Variants in PARD3B observed in about 807,000 individuals in gnomAD.
PARD3B encodes the protein par-3 family cell polarity regulator beta.
Under a neutral mutation model 130.2 loss-of-function variants are expected in PARD3B, and 103 were observed. That is an observed-to-expected ratio of 0.79 (90% CI 0.67 to 0.93). The LOEUF (loss-of-function observed/expected upper bound fraction) is 0.93. PARD3B is among the 40% of genes least tolerant of loss of function. The pLI, the probability that PARD3B is intolerant of heterozygous loss-of-function variation, is 0.00. For synonymous variants in PARD3B, 583 were observed against 553.2 expected (o/e 1.05, Z -0.76); for missense variants, 1,609 against 1,499.2 (o/e 1.07, Z -1.21).
intron 1 of PARD3B, among the ~76,000 whole-genome samples, chr2:204,628,753 C>T (rs370970142): frequency 2.6e-5 from 4 of 152,104 alleles, no homozygotes; most frequent in African/African-American, 9.6e-5. Context: ...TGCCTTTGAA[C>T]ATTGTTCTTT....
Position 204,940,313 on chromosome 2 carries a change from T to C in PARD3B, c.223-24839T>C, listed in dbSNP as rs115682308. 7.2e-3 allele frequency among the ~76,000 whole-genome samples: 1,098 copies of C among 152,234 alleles called. 16 individuals are homozygous for C. Among genetic ancestry groups the C allele is most frequent in the African/African-American group, 0.025 (1,051 of 41,542 alleles). On this transcript the variant is annotated intron_variant, in intron 2 of 22. Transcript: ENST00000406610. ...CTTGTTTCTTCCCTGAAAAATGTGA[T>C]AACATCCTAGGAAGAGGTGGTGATC...
rs138585499 is a variant in PARD3B at position 205,217,615 on chromosome 2, G to A, written c.2140+24295G>A. 3.2e-3 allele frequency among the ~76,000 whole-genome samples: 487 copies of A among 151,720 alleles called. 1 individual carries two copies. Among genetic ancestry groups the A allele is most frequent in the African/African-American group, 0.011 (446 of 41,384 alleles). ...GTGAAGGAACAAGATGCAGGAAGGA[G>A]ACACCCAGAGAGAAAAATATAACAA... is the stretch of plus-strand genomic sequence containing the variant. On this transcript the variant is annotated intron_variant, in intron 15 of 22. Coordinates refer to ENST00000406610, the MANE Select transcript of PARD3B (RefSeq NM_001302769.2).
At position 205,411,633 on chromosome 2, in the gene PARD3B, A is replaced by G. The variant is rs532236981; in HGVS notation, c.2741+10510A>G. On this transcript the variant is annotated intron_variant, in intron 19 of 22. Coordinates refer to ENST00000406610, the MANE Select transcript of PARD3B (RefSeq NM_001302769.2). ...ATACAGTAGCCTTTGGGAGCCTAGA[A>G]TGCTCTGAGACACACCATCTGTGAA... 7.9e-5 allele frequency among the ~76,000 whole-genome samples: 12 copies of G among 152,298 alleles called. No individual in the cohort carries two copies. In the South Asian group the frequency reaches 2.5e-3, roughly 32 times the overall value.
At chr2:205,360,270 T>TC in intron 18 of PARD3B, among the ~76,000 whole-genome samples, 1 of 152,048 alleles carries the variant, frequency 6.6e-6, no homozygotes, top group South Asian at 2.1e-4. Context: ...CTTTTGTTTT[T>TC]TTCCTTTTCA....
intron 2 of PARD3B, among the ~76,000 whole-genome samples, chr2:204,763,703 C>T (rs115609226): frequency 0.01 from 1,529 of 152,252 alleles, 21 homozygotes; most frequent in African/African-American, 0.035. Flanking sequence ...CCAGACAGTC[C>T]TGAACAATAT....
At chr2:204,828,809 C>G (rs2043691250) in intron 2 of PARD3B, among the ~76,000 whole-genome samples, 1 of 152,052 alleles carries the variant, frequency 6.6e-6, no homozygotes, top group South Asian at 2.1e-4. Context: ...ACTCTTTTGC[C>G]CCAAATCCTT....
At chr2:205,540,171 CTGTATATT>C (rs1355811842) in intron 21 of PARD3B, among the ~76,000 whole-genome samples, 1 of 151,554 alleles carries the variant, frequency 6.6e-6, no homozygotes, top group Admixed American at 6.6e-5. Context: ...TTGTTGCTTG[CTGTATATT>C]TGCATAATTT....
chr2:205,235,682 C>T (rs1234188048), intron 15 of PARD3B, among the ~76,000 whole-genome samples: 1 of 152,094 alleles, frequency 6.6e-6, no homozygotes, highest in Admixed American at 6.6e-5. Flanking sequence ...CAAGATGGCA[C>T]AAGATTTCAT....
chr2:204,621,614 G>A (rs1194217711), intron 1 of PARD3B, among the ~76,000 whole-genome samples: 3 of 151,984 alleles, frequency 2.0e-5, no homozygotes, highest in African/African-American at 7.2e-5. Context: ...TAAATAAAGC[G>A]GTATATTTAA....
In PARD3B at chr2:205,473,835, T is replaced by C. The variant is rs529706134; in HGVS notation, c.3045-26061T>C. ...TTACGAAAGGGGAGATATTCTTTTC[T>C]TTGTTACGTTTAAATGAACTTCACC... On this transcript the variant is annotated intron_variant, in intron 20 of 22. Transcript: ENST00000406610. This position sits in a 1 kb window ranked among gnomAD's most constrained non-coding sequence, Gnocchi z 4.9. 2.6e-5 allele frequency among the ~76,000 whole-genome samples: 4 copies of C among 151,152 alleles called. No homozygotes were observed. In the East Asian group the frequency reaches 7.7e-4, roughly 29 times the overall value.
At chr2:205,502,117 C>T (rs1322582910) in intron 21 of PARD3B, among the ~76,000 whole-genome samples, 1 of 152,136 alleles carries the variant, frequency 6.6e-6, no homozygotes, top group African/African-American at 2.4e-5. Flanking sequence ...TCTCCCCACG[C>T]CAAGGAAAAA....
chr2:205,382,518 A>G (rs2045490301), intron 18 of PARD3B, among the ~76,000 whole-genome samples: 1 of 152,034 alleles, frequency 6.6e-6, no homozygotes, highest in Non-Finnish European at 1.5e-5. Flanking sequence ...CTTGGGGAAG[A>G]TATTTTGAAA....
chr2:205,422,772 G>GGGAATA (rs1402568386), intron 19 of PARD3B, among the ~76,000 whole-genome samples: 1 of 152,100 alleles, frequency 6.6e-6, no homozygotes, highest in Non-Finnish European at 1.5e-5. Context: ...AGGGCCACTA[G>GGGAATA]GTAGGCCAAG....
At chr2:204,744,854 C>G (rs1431305865) in intron 2 of PARD3B, among the ~76,000 whole-genome samples, 1 of 152,014 alleles carries the variant, frequency 6.6e-6, no homozygotes, top group Non-Finnish European at 1.5e-5. Flanking sequence ...AAAATCTAGA[C>G]CAAGAGGTAC....
chr2:205,533,631 C>A (rs1400309674), intron 21 of PARD3B, among the ~76,000 whole-genome samples: 1 of 152,050 alleles, frequency 6.6e-6, no homozygotes, highest in Non-Finnish European at 1.5e-5. Context: ...AATGAAATCA[C>A]CCCTGTGTAA....
chr2:205,285,496 G>A (rs1007430322), intron 16 of PARD3B, among the ~76,000 whole-genome samples: 1 of 152,042 alleles, frequency 6.6e-6, no homozygotes, highest in Non-Finnish European at 1.5e-5. Context: ...ATTGCCAGTG[G>A]GTGTCATAAA....
At position 205,158,715 on chromosome 2, in the gene PARD3B, C is replaced by T. The variant is rs370190402; in HGVS notation, c.1435-7C>T. 2 of 1,606,890 alleles carry T rather than the reference C, an allele frequency of 1.2e-6. No homozygotes were observed. Among genetic ancestry groups the T allele is most frequent in the Non-Finnish European group, 1.7e-6 (2 of 1,176,526 alleles). ...CTTCACTCTTTTCATGTGTATTCCC[C>T]TAACAGAAAGGAGAACCTGACTGCT... On this transcript the variant is annotated splice_polypyrimidine_tract_variant and splice_region_variant and intron_variant, in intron 10 of 22. Coordinates refer to ENST00000406610, the MANE Select transcript of PARD3B (RefSeq NM_001302769.2). This position sits in a 1 kb window ranked among gnomAD's most constrained non-coding sequence, Gnocchi z 5.4.
Position 205,035,774 on chromosome 2 carries a change from T to C in PARD3B, c.395-11807T>C, listed in dbSNP as rs1487185753. ...GTATATAAATAATCCACTATATCTATCTATCGGAGTCAGAGATATATCTCA... is the reference window on the plus strand; with the variant it reads ...GTATATAAATAATCCACTATATCTACCTATCGGAGTCAGAGATATATCTCA... On this transcript the variant is annotated intron_variant, in intron 3 of 22. Transcript: ENST00000406610. Among the ~76,000 whole-genome samples the C allele has an allele frequency of 2.9e-5, 4 of 140,144 alleles. 1 individual carries two copies. Among genetic ancestry groups the C allele is most frequent in the Non-Finnish European group, 6.1e-5 (4 of 65,232 alleles). The allele number at this position is 140,144 out of a possible 152,430, so 91.9% of individuals were successfully genotyped here. A position where few individuals can be genotyped will look rare whatever the true frequency, so the allele number is the denominator to read the frequency against.
At chr2:205,026,892 T>A (rs1050193628) in intron 3 of PARD3B, among the ~76,000 whole-genome samples, 4 of 152,182 alleles carry the variant, frequency 2.6e-5, no homozygotes, top group Non-Finnish European at 4.4e-5. Flanking sequence ...ATTCTCTTGT[T>A]TAGACACACC....
Sources: allele counts gnomAD v4.1 joint callset (sites outside exome capture counted in the v4.1 genomes callset), GRCh38; gene constraint gnomAD v4.1.1; non-coding constraint Gnocchi (gnomAD v3.1); transcripts MANE v1.5; gene names NCBI Gene and HGNC (gene_info 2026-07-23, HGNC 2026-07-21).